The following PREX2 variants were observed in gnomAD, a reference collection of about 807,000 sequenced individuals.
PREX2 encodes phosphatidylinositol-3,4,5-trisphosphate dependent Rac exchange factor 2.
A neutral mutation model predicts 203.2 loss-of-function variants in PREX2; 107 were observed. The ratio of observed to expected loss-of-function variants is 0.53; its 90% CI spans 0.45 to 0.62. The LOEUF (loss-of-function observed/expected upper bound fraction) is 0.62. PREX2 is among the 20% of genes least tolerant of loss of function. The probability of loss-of-function intolerance (pLI) is 0.00; values close to 1 mark genes in which losing one functional copy is unlikely to be tolerated. For synonymous variants in PREX2, 672 were observed against 663.6 expected, an observed-to-expected ratio of 1.01 and a Z score of -0.19; for missense variants, 1,777 against 1,955.9, an observed-to-expected ratio of 0.91 and a Z score of 1.72.
At chr8:68,033,278 G>A (rs6992675) in intron 6 of PREX2, among the ~76,000 whole-genome samples, 12,703 of 152,128 alleles carry the variant, frequency 0.084, 1,591 homozygotes, top group African/African-American at 0.27. Flanking sequence ...TTTTAGTCTG[G>A]ACTCTAACCC....
In PREX2 at chr8:68,108,002, A is replaced by G. The variant is rs140709064; in HGVS notation, c.2716-107A>G. The stretch of plus-strand genomic sequence containing the variant: ...ATTTATTTCACTCATTCCAGTTGAC[A>G]TGATTTAATTTGCCTTTGATTTTGT... On this transcript the variant is annotated intron_variant, in intron 23 of 39. Transcript: ENST00000288368. 9.8e-4 allele frequency: 662 copies of G among 672,936 alleles called. 4 individuals carry two copies. The highest frequency in any genetic ancestry group is 9.1e-3 in the East Asian group (332 of 36,468). 41.7% of individuals were successfully genotyped at this position (672,936 alleles called of 1,614,324 possible).
At chr8:67,998,986 T>G (rs1302551546) in intron 1 of PREX2, among the ~76,000 whole-genome samples, 1 of 152,174 alleles carries the variant, frequency 6.6e-6, no homozygotes, top group Non-Finnish European at 1.5e-5. Flanking sequence ...AAGAGAGCGA[T>G]TTTGTAACTT....
At position 68,134,172 on chromosome 8, in the gene PREX2, A is replaced by G. The variant is rs1320483783; in HGVS notation, c.3880A>G (p.Lys1294Glu). ...CTTGAACCAGATGTTTGACAACAGC[A>G]AGGAAAATGAGATGGAAACTTGGGA... ...AALNQMFDNS[K>E]ENEMETWEAS... The change falls in exon 32 of 40, where the codon AAG (lysine) becomes GAG (glutamate). Residue 1294 changes from lysine to glutamate, a missense_variant. Transcript: ENST00000288368. The G allele has an allele frequency of 6.2e-7, 1 of 1,614,124 alleles. No individual in the cohort carries two copies. The highest frequency in any genetic ancestry group is 8.5e-7 in the Non-Finnish European group (1 of 1,180,004).
intron 24 of PREX2, chr8:68,109,133 T>A: frequency 2.2e-6 from 1 of 453,224 alleles, no homozygotes; most frequent in Non-Finnish European, 4.1e-6. Context: ...ATATATTGTA[T>A]AACATGCTGA....
intron 1 of PREX2, among the ~76,000 whole-genome samples, chr8:67,991,086 T>C (rs534342380): frequency 6.6e-6 from 1 of 152,298 alleles, no homozygotes; most frequent in Admixed American, 6.5e-5. Flanking sequence ...CATAGTAATA[T>C]TTATGGAGGC....
intron 37 of PREX2, among the ~76,000 whole-genome samples, chr8:68,214,332 C>T (rs1236735641): frequency 3.9e-5 from 6 of 152,050 alleles, no homozygotes; most frequent in Non-Finnish European, 2.9e-5. Flanking sequence ...CCCAGGAAGT[C>T]GAAGCTGCAG....
intron 37 of PREX2, among the ~76,000 whole-genome samples, chr8:68,200,724 T>A (rs35373096): frequency 0.019 from 2,885 of 152,200 alleles, 43 homozygotes; most frequent in Middle Eastern, 0.041. Context: ...GATTAATAAA[T>A]CAGTATATGA....
rs1418720589 is a variant in PREX2, at chr8:68,026,875, AATCT to A, written c.442-340_442-337del. On this transcript the variant is annotated intron_variant, in intron 4 of 39. Coordinates refer to ENST00000288368, the MANE Select transcript of PREX2 (RefSeq NM_024870.4). ...TATACCTTTCTTTATAAGCAAAATCAATCTATCTATTTATGTGTCAACCATCTGT... is the reference window on the plus strand; with the variant it reads ...TATACCTTTCTTTATAAGCAAAATCAATCTATTTATGTGTCAACCATCTGT... Among the ~76,000 whole-genome samples, 9 of 152,164 alleles carry A rather than the reference AATCT, an allele frequency of 5.9e-5. 1 individual carries two copies. In the East Asian group the frequency reaches 1.5e-3, roughly 26 times the overall value.
intron 18 of PREX2, among the ~76,000 whole-genome samples, chr8:68,084,474 T>TAC (rs1331238311): frequency 6.6e-6 from 1 of 152,168 alleles, no homozygotes; most frequent in Non-Finnish European, 1.5e-5. Flanking sequence ...TAGCTGGATG[T>TAC]ACTTCTGCAG....
intron 4 of PREX2, among the ~76,000 whole-genome samples, chr8:68,025,856 G>T (rs1314429136): frequency 2.6e-5 from 4 of 152,010 alleles, no homozygotes. Flanking sequence ...AATTGAGTTC[G>T]CAATCTATAC....
intron 32 of PREX2, among the ~76,000 whole-genome samples, chr8:68,137,698 G>A (rs553930878): frequency 1.6e-4 from 25 of 152,088 alleles, no homozygotes; most frequent in African/African-American, 4.8e-4. Context: ...TAATAGGAAG[G>A]CCAGAAGCTA....
intron 35 of PREX2, among the ~76,000 whole-genome samples, chr8:68,158,233 T>G (rs1811584630): frequency 4.0e-5 from 6 of 151,764 alleles, no homozygotes; most frequent in Admixed American, 3.9e-4. Flanking sequence ...TTTAAAAACT[T>G]AACAAATTAA....
At chr8:68,050,593 G>C (rs1808500109) in intron 8 of PREX2, among the ~76,000 whole-genome samples, 1 of 152,290 alleles carries the variant, frequency 6.6e-6, no homozygotes, top group South Asian at 2.1e-4. Flanking sequence ...CAGGAACACA[G>C]ACCCAAACCA....
intron 20 of PREX2, among the ~76,000 whole-genome samples, chr8:68,091,015 T>C (rs973757598): frequency 1.3e-5 from 2 of 152,238 alleles, no homozygotes; most frequent in African/African-American, 2.4e-5. Context: ...TGAACTGTTT[T>C]CTTGGCCCTT....
rs893936639 is a variant in PREX2 at position 68,061,562 on chromosome 8, A to T, written c.1339+783A>T. ...CGTGGGCATGAAAAAACCCATGGGG[A>T]GATGCTGGCAAAGCTACAATACCAT... On this transcript the variant is annotated intron_variant, in intron 11 of 39. Coordinates refer to ENST00000288368, the MANE Select transcript of PREX2 (RefSeq NM_024870.4). Among the ~76,000 whole-genome samples, 4 of 152,152 alleles carry T rather than the reference A, an allele frequency of 2.6e-5. No homozygotes were observed. The East Asian group carries it at 7.7e-4, about 29-fold the overall frequency.
intron 38 of PREX2, 120 bp from the exon 39 acceptor site, chr8:68,224,439 G>T: frequency 1.3e-6 from 1 of 748,910 alleles, no homozygotes; most frequent in East Asian, 2.5e-5. Flanking sequence ...CTTTCTCTTA[G>T]CTAATCTCCC....
At chr8:68,215,281 T>TAA (rs1563591112) in intron 37 of PREX2, among the ~76,000 whole-genome samples, 9 of 152,194 alleles carry the variant, frequency 5.9e-5, no homozygotes, top group African/African-American at 2.2e-4. Context: ...AAGTCTTGTT[T>TAA]ATAAGTGAGT....
In PREX2 at chr8:68,131,233, C is replaced by CA. The variant is rs1453218640; in HGVS notation, c.3767-2825dup. ...CTGTAAATATAAATAGGGGATAGGTCACAAGGTCCCGCTTATGCCACTGTT... is the reference window on the plus strand; with the variant it reads ...CTGTAAATATAAATAGGGGATAGGTCAACAAGGTCCCGCTTATGCCACTGTT... On this transcript the variant is annotated intron_variant, in intron 31 of 39. Coordinates refer to ENST00000288368, the MANE Select transcript of PREX2 (RefSeq NM_024870.4). Among the ~76,000 whole-genome samples, 8 of 152,294 alleles carry CA rather than the reference C, an allele frequency of 5.3e-5. No individual in the cohort carries two copies. In the South Asian group the frequency reaches 1.7e-3, roughly 32 times the overall value.
intron 35 of PREX2, among the ~76,000 whole-genome samples, chr8:68,177,558 C>G (rs1473686735): frequency 6.6e-6 from 1 of 152,176 alleles, no homozygotes; most frequent in African/African-American, 2.4e-5. Context: ...CAGTAAGGCC[C>G]TGTCTCTTAA....
Sources: allele counts gnomAD v4.1 joint callset (sites outside exome capture counted in the v4.1 genomes callset), GRCh38; gene constraint gnomAD v4.1.1; transcripts MANE v1.5; gene names NCBI Gene and HGNC (gene_info 2026-07-23, HGNC 2026-07-21).